The following GLMN variants were observed in gnomAD, a reference collection of about 807,000 sequenced individuals.
GLMN encodes the protein glomulin, FKBP associated protein.
In GLMN, 75 loss-of-function variants were observed where a neutral mutation model predicts 87.8. The observed-to-expected ratio is 0.85, with a 90% confidence interval of 0.71 to 1.04. The LOEUF (loss-of-function observed/expected upper bound fraction) is 1.04. Among genes scored for constraint, GLMN ranks in the 50% least tolerant of loss-of-function variants. The probability of loss-of-function intolerance (pLI) is 0.00; values close to 1 mark genes in which losing one functional copy is unlikely to be tolerated. For missense variants in GLMN, 588 were observed against 658.8 expected (o/e 0.89, Z 1.18); for synonymous variants, 206 against 221.6 (o/e 0.93, Z 0.63).
intron 16 of GLMN, among the ~76,000 whole-genome samples, chr1:92,258,008 T>C (rs1654484369): frequency 6.6e-6 from 1 of 152,048 alleles, no homozygotes; most frequent in African/African-American, 2.4e-5. Flanking sequence ...TTTTGCAATC[T>C]ATCCATCTGA....
chr1:92,326,447 G>A, the GLMN span, among the ~76,000 whole-genome samples: 1 of 152,172 alleles, frequency 6.6e-6, no homozygotes, highest in Admixed American at 6.5e-5. Flanking sequence ...CCTCCTGCCA[G>A]AAGGTGGCAC....
intron 16 of GLMN, among the ~76,000 whole-genome samples, chr1:92,254,712 A>T (rs867026257): frequency 8.5e-5 from 13 of 152,236 alleles, no homozygotes; most frequent in African/African-American, 2.2e-4. Flanking sequence ...GGAAATGCTG[A>T]GAGATTTTTG....
chr1:92,326,023 G>A, the GLMN span, among the ~76,000 whole-genome samples: 6 of 151,588 alleles, frequency 4.0e-5, no homozygotes, highest in East Asian at 1.9e-4. Context: ...GCTAATATGC[G>A]TATGTATTTC....
chr1:92,297,745 A>G, intron 2 of GLMN: 2 of 630,728 alleles, frequency 3.2e-6, no homozygotes, highest in Middle Eastern at 4.0e-4. Flanking sequence ...GAAATCTATG[A>G]AAAGGATCAG....
chr1:92,255,853 A>G (rs921810222), intron 16 of GLMN, among the ~76,000 whole-genome samples: 1 of 152,122 alleles, frequency 6.6e-6, no homozygotes, highest in Non-Finnish European at 1.5e-5. Context: ...ATTAAAAGAA[A>G]TAGAGAGGCA....
intron 7 of GLMN, among the ~76,000 whole-genome samples, chr1:92,283,835 CAGAG>C (rs1346498183): frequency 4.6e-5 from 7 of 152,226 alleles, no homozygotes; most frequent in South Asian, 2.1e-4. Context: ...AATAGACAAA[CAGAG>C]AGCCAAATCA....
chr1:92,263,009 T>G, intron 15 of GLMN, 83 bp from the exon 16 acceptor site: 2 of 634,562 alleles, frequency 3.2e-6, no homozygotes, highest in Non-Finnish European at 5.8e-6. Flanking sequence ...TTTGGTCATA[T>G]TTTTATAATT....
chr1:92,272,284 G>A (rs1656316672), intron 7 of GLMN, among the ~76,000 whole-genome samples: 1 of 152,174 alleles, frequency 6.6e-6, no homozygotes, highest in Admixed American at 6.5e-5. Flanking sequence ...GCTGTGGCTG[G>A]ACTCCTGATC....
Position 92,273,621 on chromosome 1 carries a change from A to T in GLMN, c.736-1969T>A, listed in dbSNP as rs956173401. On this transcript the variant is annotated intron_variant, in intron 7 of 18. Coordinates refer to ENST00000370360, the MANE Select transcript of GLMN (RefSeq NM_053274.3). Reference sequence around the variant, plus strand: ...CCACCATGCCCGCTATTTTTTTTTTATTTTTTTTATTTTTTATAGAGATGG... The same window carrying T: ...CCACCATGCCCGCTATTTTTTTTTTTTTTTTTTTATTTTTTATAGAGATGG... Among the ~76,000 whole-genome samples, 262 of 148,552 alleles carry T rather than the reference A, an allele frequency of 1.8e-3. 1 individual carries two copies. Among genetic ancestry groups the T allele is most frequent in the African/African-American group, 5.7e-3 (228 of 40,346 alleles).
At chr1:92,323,655 A>G in the GLMN span, 1 of 1,613,668 alleles carries the variant, frequency 6.2e-7, no homozygotes, top group South Asian at 1.1e-5. Flanking sequence ...TGCACCAAAA[A>G]AGCATAATGA....
Position 92,246,624 on chromosome 1 carries a change from G to A in GLMN, c.1691C>T (p.Thr564Ile). The change falls in exon 19 of 19, where the codon ACA becomes ATA. Residue 564 changes from threonine to isoleucine, a missense_variant. Thr to Ile is a moderately conservative substitution (Grantham distance 89). Coordinates refer to ENST00000370360, the MANE Select transcript of GLMN (RefSeq NM_053274.3). Reference sequence around the variant, plus strand: ...TAGAACACTTTCAATCAAATCAAATGTGAAAAGAGCTGAATGCAGGACCTG... The same window carrying A: ...TAGAACACTTTCAATCAAATCAAATATGAAAAGAGCTGAATGCAGGACCTG... Reference protein sequence around the residue: ...QLKVLHSALFTFDLIESVLAR... With the variant: ...QLKVLHSALFIFDLIESVLAR... 2 of 1,586,852 alleles carry A rather than the reference G, an allele frequency of 1.3e-6. No individual in the cohort carries two copies. The highest frequency in any genetic ancestry group is 1.7e-6 in the Non-Finnish European group (2 of 1,155,172).
intron 6 of GLMN, among the ~76,000 whole-genome samples, chr1:92,287,697 T>C (rs928907409): frequency 2.6e-5 from 4 of 151,784 alleles, no homozygotes; most frequent in Non-Finnish European, 4.4e-5. Flanking sequence ...ATAGTATTAG[T>C]CTCCAAAATT....
the GLMN span, among the ~76,000 whole-genome samples, chr1:92,308,669 A>ACC: frequency 6.6e-6 from 1 of 152,224 alleles, no homozygotes; most frequent in African/African-American, 2.4e-5. Context: ...AATTTAAAAC[A>ACC]AATCTTCCAG....
chr1:92,297,006 CTT>C (rs1287554051), intron 3 of GLMN, among the ~76,000 whole-genome samples: 1 of 151,786 alleles, frequency 6.6e-6, no homozygotes, highest in Non-Finnish European at 1.5e-5. Flanking sequence ...TCTAAAAACT[CTT>C]TACTTCAACT....
At chr1:92,331,894 C>G in the GLMN span, among the ~76,000 whole-genome samples, 2 of 152,040 alleles carry the variant, frequency 1.3e-5, no homozygotes, top group Non-Finnish European at 2.9e-5. Context: ...AGATATTTTT[C>G]TATATTGAAT....
At chr1:92,289,238 T>TC in intron 5 of GLMN, 87 bp from the exon 6 acceptor site, 1 of 796,806 alleles carries the variant, frequency 1.3e-6, no homozygotes, top group Non-Finnish European at 2.3e-6. Context: ...AGACACTTCC[T>TC]CCTCCCACAT....
intron 4 of GLMN, 54 bp downstream of exon 4, chr1:92,291,364 T>C: frequency 7.0e-7 from 1 of 1,431,132 alleles, no homozygotes; most frequent in Non-Finnish European, 9.8e-7. Flanking sequence ...TTAAAGGGAA[T>C]TATAAAATAC....
At chr1:92,341,928 C>T in the GLMN span, among the ~76,000 whole-genome samples, 1 of 152,228 alleles carries the variant, frequency 6.6e-6, no homozygotes, top group East Asian at 1.9e-4. Context: ...CAGGCGTGAG[C>T]CAACACACCT....
chr1:92,260,831 G>A (rs765373173), intron 16 of GLMN, among the ~76,000 whole-genome samples: 11 of 146,128 alleles, frequency 7.5e-5, no homozygotes, highest in Non-Finnish European at 1.6e-4. Flanking sequence ...ACCATAAAAT[G>A]TACATGACAA....
Sources: gnomAD v4.1 joint callset for allele counts (sites outside exome capture counted in the v4.1 genomes callset) on GRCh38, gnomAD v4.1.1 for gene constraint, MANE v1.5 for transcripts, NCBI Gene and HGNC (gene_info 2026-07-23, HGNC 2026-07-21) for gene names.